The following SGCZ variants were observed in gnomAD, a reference collection of about 807,000 sequenced individuals.
SGCZ encodes sarcoglycan zeta, also known as zeta-sarcoglycan.
Under a neutral mutation model 41.3 loss-of-function variants are expected in SGCZ, and 40 were observed. The ratio of observed to expected loss-of-function variants is 0.97; its 90% CI spans 0.75 to 1.26. The LOEUF is 1.26. Ranked by LOEUF, SGCZ falls within the 50% of genes most tolerant of loss-of-function variation. SGCZ has a pLI of 0.00. For missense variants in SGCZ, 552 were observed against 369.8 expected (o/e 1.49, Z -4.04); for synonymous variants, 206 against 137.5 (o/e 1.50, Z -3.49).
intron 5 of SGCZ, among the ~76,000 whole-genome samples, chr8:14,130,434 G>C (rs925337419): frequency 6.6e-6 from 1 of 152,048 alleles, no homozygotes; most frequent in African/African-American, 2.4e-5. Flanking sequence ...TTCCTTCCAC[G>C]ATGTGAGCAA....
At chr8:14,668,563 T>C (rs1807989767) in intron 1 of SGCZ, among the ~76,000 whole-genome samples, 1 of 152,162 alleles carries the variant, frequency 6.6e-6, no homozygotes, top group Non-Finnish European at 1.5e-5. Context: ...CATAACTTAC[T>C]TTAAAATATA....
chr8:14,242,684 C>T (rs141424275), intron 3 of SGCZ, among the ~76,000 whole-genome samples: 1 of 152,256 alleles, frequency 6.6e-6, no homozygotes, highest in East Asian at 1.9e-4. Context: ...TACCATCACT[C>T]TTGTTTCACA....
intron 2 of SGCZ, among the ~76,000 whole-genome samples, chr8:14,489,103 T>C (rs1386456919): frequency 1.3e-5 from 2 of 151,850 alleles, no homozygotes; most frequent in African/African-American, 4.8e-5. Flanking sequence ...CTTTTAATTT[T>C]ATTAAACATA....
At chr8:15,181,653 G>A (rs1209053074) in intron 1 of SGCZ, among the ~76,000 whole-genome samples, 1 of 152,028 alleles carries the variant, frequency 6.6e-6, no homozygotes, top group African/African-American at 2.4e-5. Context: ...ATTTTGATAC[G>A]CTAAAAAAAA....
chr8:14,616,780 C>T (rs1358826665), intron 1 of SGCZ, among the ~76,000 whole-genome samples: 1 of 152,056 alleles, frequency 6.6e-6, no homozygotes, highest in Non-Finnish European at 1.5e-5. Flanking sequence ...CTGTAAAACA[C>T]CCAAAATAGT....
Position 14,085,121 on chromosome 8 carries a change from G to T in SGCZ, c.*5322C>A, listed in dbSNP as rs1801488230. Among the ~76,000 whole-genome samples, 1 of 151,718 alleles carries T rather than the reference G, an allele frequency of 6.6e-6. No homozygotes were observed. The highest frequency in any genetic ancestry group is 1.5e-5 in the Non-Finnish European group (1 of 67,812). ...AGATATGTTATCTACAGTTTATAGG[G>T]CAGACAGTCCATTTAAATAGAAAAA... On this transcript the variant is annotated 3_prime_UTR_variant, in exon 8 of 8. Coordinates refer to ENST00000382080, the MANE Select transcript of SGCZ (RefSeq NM_139167.4).
At chr8:14,156,655 C>A (rs1402326504) in intron 5 of SGCZ, among the ~76,000 whole-genome samples, 1 of 152,066 alleles carries the variant, frequency 6.6e-6, no homozygotes, top group Non-Finnish European at 1.5e-5. Context: ...TAATATTATT[C>A]AAAACTATTT....
chr8:15,166,249 T>C (rs1423350227), intron 1 of SGCZ, among the ~76,000 whole-genome samples: 4 of 149,824 alleles, frequency 2.7e-5, no homozygotes, highest in Non-Finnish European at 5.9e-5. Context: ...TTTTCTTTTT[T>C]TTTTTTTTCT....
intron 1 of SGCZ, among the ~76,000 whole-genome samples, chr8:15,180,370 T>C (rs1800134619): frequency 6.6e-6 from 1 of 152,204 alleles, no homozygotes; most frequent in African/African-American, 2.4e-5. Context: ...GTATATTGAT[T>C]TGATAGTCCC....
intron 2 of SGCZ, among the ~76,000 whole-genome samples, chr8:14,420,489 G>T (rs1340355321): frequency 2.0e-5 from 3 of 151,880 alleles, no homozygotes; most frequent in Admixed American, 6.6e-5. Context: ...TTCTATATTT[G>T]CTGTCTATTG....
intron 1 of SGCZ, among the ~76,000 whole-genome samples, chr8:14,600,688 G>C (rs970240148): frequency 6.6e-6 from 1 of 152,104 alleles, no homozygotes; most frequent in Non-Finnish European, 1.5e-5. Flanking sequence ...GATTCAGCCT[G>C]TGATGGCTGT....
At chr8:14,563,410 A>G (rs921686129) in intron 1 of SGCZ, among the ~76,000 whole-genome samples, 9 of 152,184 alleles carry the variant, frequency 5.9e-5, no homozygotes, top group African/African-American at 2.2e-4. Flanking sequence ...GTGTGAGTGG[A>G]CAGAAAGAAA....
At chr8:15,189,013 G>A (rs1019075902) in intron 1 of SGCZ, among the ~76,000 whole-genome samples, 2 of 152,134 alleles carry the variant, frequency 1.3e-5, no homozygotes, top group Non-Finnish European at 2.9e-5. Flanking sequence ...TATGCTCACA[G>A]AGATGGAAGA....
chr8:14,309,042 C>T (rs1440412446), intron 3 of SGCZ: 4 of 1,310,642 alleles, frequency 3.1e-6, no homozygotes, highest in East Asian at 2.3e-5. Context: ...CCGGAAGCCT[C>T]CCCTACTCTT....
intron 4 of SGCZ, among the ~76,000 whole-genome samples, chr8:14,236,430 G>A (rs1442601214): frequency 6.6e-6 from 1 of 150,976 alleles, no homozygotes; most frequent in African/African-American, 2.4e-5. Flanking sequence ...CTCCTTTTTG[G>A]GTTCATCAAA....
At chr8:14,571,583 G>T (rs962140732) in intron 1 of SGCZ, among the ~76,000 whole-genome samples, 1 of 151,796 alleles carries the variant, frequency 6.6e-6, no homozygotes, top group African/African-American at 2.4e-5. Context: ...TTTTCTGACT[G>T]CATTTTACAA....
rs899259879 is a variant in SGCZ, at chr8:14,584,640, G to A, written c.40-29714C>T. Among the ~76,000 whole-genome samples, 9 of 151,904 alleles carry A rather than the reference G, an allele frequency of 5.9e-5. No individual in the cohort carries two copies. In the East Asian group the frequency reaches 9.7e-4, roughly 16 times the overall value. ...AAAAGTTAAAATAAAAGAGTTGTGC[G>A]GTCTTCAGGGCCAAAAGCACGCTAA... On this transcript the variant is annotated intron_variant, in intron 1 of 7. Coordinates refer to ENST00000382080, the MANE Select transcript of SGCZ (RefSeq NM_139167.4).
chr8:14,790,167 G>A (rs1800901439), intron 1 of SGCZ, among the ~76,000 whole-genome samples: 1 of 152,152 alleles, frequency 6.6e-6, no homozygotes, highest in Admixed American at 6.5e-5. Context: ...ACGACTTTCT[G>A]AGGGCCAGTG....
chr8:14,687,119 C>A (rs962602418), intron 1 of SGCZ, among the ~76,000 whole-genome samples: 1 of 148,614 alleles, frequency 6.7e-6, no homozygotes, highest in African/African-American at 2.5e-5. Flanking sequence ...AATTATGAAA[C>A]CTTAACAACA....
Sources: gnomAD v4.1 joint callset for allele counts (sites outside exome capture counted in the v4.1 genomes callset) on GRCh38, gnomAD v4.1.1 for gene constraint, MANE v1.5 for transcripts, NCBI Gene and HGNC (gene_info 2026-07-23, HGNC 2026-07-21) for gene names.